Variants in IER3IP1 observed in about 807,000 individuals in gnomAD.
IER3IP1 encodes immediate early response 3-interacting protein 1.
IER3IP1 carries 16 observed loss-of-function variants against 12.2 expected under a neutral mutation model. The ratio of observed to expected loss-of-function variants is 1.31; its 90% CI spans 0.89 to 1.99. IER3IP1 has a LOEUF of 1.99. Among genes scored for constraint, IER3IP1 ranks in the 30% most tolerant of loss-of-function variants. The pLI is 0.00. For synonymous variants in IER3IP1, 42 were observed against 40.0 expected, an observed-to-expected ratio of 1.05 and a Z score of -0.19; for missense variants, 95 against 95.8, an observed-to-expected ratio of 0.99 and a Z score of 0.03.
intron 1 of IER3IP1, among the ~76,000 whole-genome samples, chr18:47,164,537 T>C (rs1257393753): frequency 6.6e-6 from 1 of 151,152 alleles, no homozygotes; most frequent in African/African-American, 2.4e-5. Flanking sequence ...CCGGGTGTGG[T>C]GGTTCACACC....
chr18:47,158,641 C>T (rs553145150), intron 1 of IER3IP1, among the ~76,000 whole-genome samples: 3 of 151,708 alleles, frequency 2.0e-5, no homozygotes, highest in Non-Finnish European at 4.4e-5. Context: ...CCCTCATTTA[C>T]GTTTTTAAAA....
At chr18:47,167,212 C>T (rs1301139626) in intron 1 of IER3IP1, among the ~76,000 whole-genome samples, 3 of 152,000 alleles carry the variant, frequency 2.0e-5, no homozygotes, top group South Asian at 2.1e-4. Context: ...TCACCAAGCC[C>T]GGCTAATTTT....
chr18:47,161,613 G>C (rs1216576973), intron 1 of IER3IP1, among the ~76,000 whole-genome samples: 2 of 152,008 alleles, frequency 1.3e-5, no homozygotes, highest in African/African-American at 4.8e-5. Flanking sequence ...ACCCTTCCAA[G>C]TATTCCTATT....
rs77335447 is a variant in IER3IP1 at position 47,167,098 on chromosome 18, T to C, written c.91+9089A>G. The stretch of plus-strand genomic sequence containing the variant: ...TGGAGTTTCACTCTGTCACCCAGGC[T>C]GGAGTCCAGTGGCGCAGTGTCAGCT... On this transcript the variant is annotated intron_variant, in intron 1 of 2. Coordinates refer to ENST00000256433, the MANE Select transcript of IER3IP1 (RefSeq NM_016097.5). Among the ~76,000 whole-genome samples the C allele has an allele frequency of 2.2e-3, 330 of 152,200 alleles. 2 individuals carry two copies. The highest frequency in any genetic ancestry group is 7.6e-3 in the African/African-American group (315 of 41,534).
Position 47,156,250 on chromosome 18 carries a change from A to G in IER3IP1, c.194-18T>C, listed in dbSNP as rs1243491657. The G allele has an allele frequency of 1.4e-6, 2 of 1,468,186 alleles. No individual in the cohort carries two copies. The highest frequency in any genetic ancestry group is 2.3e-5 in the East Asian group (1 of 44,102). The allele number at this position is 1,468,186 out of a possible 1,614,324, so 90.9% of individuals were successfully genotyped here. On this transcript the variant is annotated intron_variant, in intron 2 of 2. Transcript: ENST00000256433. Reference sequence around the variant, plus strand: ...CAATGGCACTGTAAAGAGAAAAAAAAAAGTTTGTTACTATAAAGAAAAAAC... The same window carrying G: ...CAATGGCACTGTAAAGAGAAAAAAAGAAGTTTGTTACTATAAAGAAAAAAC...
intron 1 of IER3IP1, among the ~76,000 whole-genome samples, chr18:47,175,041 C>A (rs2064027640): frequency 6.6e-6 from 1 of 152,210 alleles, no homozygotes; most frequent in South Asian, 2.1e-4. Flanking sequence ...TAACTTCCAT[C>A]AGAAGGGCAG....
At chr18:47,168,739 AAG>A (rs2064005480) in intron 1 of IER3IP1, among the ~76,000 whole-genome samples, 1 of 152,226 alleles carries the variant, frequency 6.6e-6, no homozygotes, top group African/African-American at 2.4e-5. Context: ...GCATTTGTAT[AAG>A]AGTGAAACTG....
chr18:47,157,419 T>C lies in IER3IP1; in HGVS notation c.193+17A>G. The C allele has an allele frequency of 6.2e-7, 1 of 1,600,388 alleles. No individual in the cohort carries two copies. Among genetic ancestry groups the C allele is most frequent in the African/African-American group, 1.3e-5 (1 of 74,742 alleles). ...AACATTAAAACTTAAGAATGCTCTA[T>C]TAGCTTTTCTTCTTACCTCTCATCA... On this transcript the variant is annotated intron_variant, in intron 2 of 2. Coordinates refer to ENST00000256433, the MANE Select transcript of IER3IP1 (RefSeq NM_016097.5).
At chr18:47,158,410 G>A (rs988227423) in intron 1 of IER3IP1, among the ~76,000 whole-genome samples, 4 of 151,918 alleles carry the variant, frequency 2.6e-5, no homozygotes, top group Admixed American at 1.3e-4. Context: ...GTGTAATCAC[G>A]GCTTACTACA....
intron 1 of IER3IP1, among the ~76,000 whole-genome samples, chr18:47,174,463 G>A (rs2144441249): frequency 6.6e-6 from 1 of 152,270 alleles, no homozygotes; most frequent in South Asian, 2.1e-4. Context: ...GAGGTCAGGA[G>A]TTCGAGACCA....
chr18:47,172,481 T>C lies in IER3IP1; in HGVS notation c.91+3706A>G, dbSNP rs2064018630. Among the ~76,000 whole-genome samples, 1 of 152,174 alleles carries C rather than the reference T, an allele frequency of 6.6e-6. No individual in the cohort carries two copies. The highest frequency in any genetic ancestry group is 6.5e-5 in the Admixed American group (1 of 15,276). ...TAGTCCTCCCCCTTAATCTTGGAGATACACTTCAAGATTCCACAGTAGATG... is the reference window on the plus strand; with the variant it reads ...TAGTCCTCCCCCTTAATCTTGGAGACACACTTCAAGATTCCACAGTAGATG... On this transcript the variant is annotated intron_variant, in intron 1 of 2. Coordinates refer to ENST00000256433, the MANE Select transcript of IER3IP1 (RefSeq NM_016097.5). This position sits in a 1 kb window ranked among gnomAD's most constrained non-coding sequence, Gnocchi z 4.0.
At chr18:47,166,176 T>G (rs1344562121) in intron 1 of IER3IP1, among the ~76,000 whole-genome samples, 1 of 152,182 alleles carries the variant, frequency 6.6e-6, no homozygotes, top group African/African-American at 2.4e-5. Context: ...ATTCCCTGTA[T>G]CACTGTCAAA....
chr18:47,159,755 G>A (rs918209488), intron 1 of IER3IP1, among the ~76,000 whole-genome samples: 1 of 151,996 alleles, frequency 6.6e-6, no homozygotes, highest in African/African-American at 2.4e-5. Flanking sequence ...GATGTCCTAC[G>A]TCACAATGAA....
At chr18:47,168,567 G>C (rs1446446667) in intron 1 of IER3IP1, among the ~76,000 whole-genome samples, 1 of 152,168 alleles carries the variant, frequency 6.6e-6, no homozygotes, top group East Asian at 1.9e-4. Flanking sequence ...TTGTGTCACA[G>C]TCATCCATAT....
rs73442810 is a variant in IER3IP1, at chr18:47,171,586, A to G, written c.91+4601T>C. Among the ~76,000 whole-genome samples the G allele has an allele frequency of 4.6e-3, 708 of 152,318 alleles. 7 individuals are homozygous for G. Among genetic ancestry groups the G allele is most frequent in the African/African-American group, 0.016 (656 of 41,576 alleles). On this transcript the variant is annotated intron_variant, in intron 1 of 2. Transcript: ENST00000256433. The stretch of plus-strand genomic sequence containing the variant: ...CCATTTACTTGAGTCTAGTCAGTCT[A>G]GCTAAAGACTTGTCAATTTTGTCAA...
intron 1 of IER3IP1, among the ~76,000 whole-genome samples, chr18:47,163,444 A>G (rs1236238136): frequency 1.3e-5 from 2 of 152,206 alleles, no homozygotes; most frequent in African/African-American, 4.8e-5. Context: ...AACAGCCCAC[A>G]ATTTAAAGTG....
intron 1 of IER3IP1, among the ~76,000 whole-genome samples, chr18:47,164,753 G>A (rs2063990453): frequency 6.6e-6 from 1 of 150,728 alleles, no homozygotes; most frequent in African/African-American, 2.5e-5. Flanking sequence ...CTGCACTCCA[G>A]CCTGGGTGCC....
intron 1 of IER3IP1, among the ~76,000 whole-genome samples, chr18:47,170,712 T>A (rs2067559797): frequency 6.6e-6 from 1 of 152,130 alleles, no homozygotes; most frequent in Non-Finnish European, 1.5e-5. Flanking sequence ...GAAAAACAAA[T>A]GATTTTTATA....
chr18:47,167,035 T>C (rs540974189), intron 1 of IER3IP1, among the ~76,000 whole-genome samples: 1 of 152,108 alleles, frequency 6.6e-6, no homozygotes, highest in Admixed American at 6.6e-5. Flanking sequence ...TTCTGGGCCA[T>C]TCTAATAGTT....
Sources: gnomAD v4.1 joint callset for allele counts (sites outside exome capture counted in the v4.1 genomes callset) on GRCh38, gnomAD v4.1.1 for gene constraint, Gnocchi (gnomAD v3.1) non-coding constraint, MANE v1.5 for transcripts, NCBI Gene and HGNC (gene_info 2026-07-23, HGNC 2026-07-21) for gene names.